The following CPNE3 variants were observed in gnomAD, a reference collection of about 807,000 sequenced individuals.
CPNE3 encodes copine-3.
Under a neutral mutation model 63.9 loss-of-function variants are expected in CPNE3, and 68 were observed. The observed-to-expected ratio is 1.06, with a 90% CI of 0.87 to 1.30. The LOEUF is 1.30. Among genes scored for constraint, CPNE3 ranks in the 50% most tolerant of loss-of-function variants. The pLI is 0.00. For synonymous variants in CPNE3, 219 were observed against 197.5 expected, an observed-to-expected ratio of 1.11 and a Z score of -0.91; for missense variants, 665 against 578.1, an observed-to-expected ratio of 1.15 and a Z score of -1.54.
chr8:86,546,340 C>T (rs1423200457), intron 9 of CPNE3, among the ~76,000 whole-genome samples: 3 of 151,926 alleles, frequency 2.0e-5, no homozygotes, highest in African/African-American at 7.3e-5. Flanking sequence ...AAATTACCTG[C>T]AGAGGTAAAA....
intron 8 of CPNE3, among the ~76,000 whole-genome samples, chr8:86,542,672 C>T (rs1315442410): frequency 6.6e-6 from 1 of 151,538 alleles, no homozygotes; most frequent in Non-Finnish European, 1.5e-5. Context: ...GTTTAAAAAG[C>T]CAATAATACT....
chr8:86,557,533 C>T (rs1430190762), intron 16 of CPNE3, among the ~76,000 whole-genome samples: 1 of 152,136 alleles, frequency 6.6e-6, no homozygotes, highest in Non-Finnish European at 1.5e-5. Flanking sequence ...ATGTTTAATT[C>T]TTAAAGCAGT....
At chr8:86,551,327 T>A in intron 14 of CPNE3, 93 bp downstream of exon 14, 1 of 881,616 alleles carries the variant, frequency 1.1e-6, no homozygotes, top group Non-Finnish European at 1.8e-6. Flanking sequence ...TTCTTGTGAT[T>A]AAAACTACTC....
chr8:86,544,229 A>G (rs1242574004), intron 8 of CPNE3, among the ~76,000 whole-genome samples: 1 of 152,164 alleles, frequency 6.6e-6, no homozygotes, highest in East Asian at 1.9e-4. Context: ...TCTAACTTAT[A>G]ATACAAGCCA....
At chr8:86,551,665 C>G (rs149026429) in intron 14 of CPNE3, among the ~76,000 whole-genome samples, 2 of 152,088 alleles carry the variant, frequency 1.3e-5, no homozygotes. Flanking sequence ...TCACTCTCTA[C>G]GAAGAGAAAA....
chr8:86,555,677 G>A (rs1336120431), intron 15 of CPNE3, among the ~76,000 whole-genome samples: 1 of 151,988 alleles, frequency 6.6e-6, no homozygotes, highest in Non-Finnish European at 1.5e-5. Flanking sequence ...TTTTTTGTGT[G>A]TATTTTAGCT....
chr8:86,551,664 A>T (rs1480866704), intron 14 of CPNE3, among the ~76,000 whole-genome samples: 2 of 152,238 alleles, frequency 1.3e-5, no homozygotes, highest in Non-Finnish European at 2.9e-5. Flanking sequence ...GTCACTCTCT[A>T]CGAAGAGAAA....
At chr8:86,523,156 A>G (rs1230514858) in intron 2 of CPNE3, among the ~76,000 whole-genome samples, 1 of 152,226 alleles carries the variant, frequency 6.6e-6, no homozygotes, top group African/African-American at 2.4e-5. Context: ...TGAGCATGCT[A>G]CAGACCTACA....
chr8:86,524,232 G>T (rs1002062500), intron 2 of CPNE3, among the ~76,000 whole-genome samples: 1 of 152,150 alleles, frequency 6.6e-6, no homozygotes, highest in African/African-American at 2.4e-5. Flanking sequence ...GTTTAAGGAG[G>T]AATGGGAAAA....
At chr8:86,546,743 G>C in intron 10 of CPNE3, 62 bp downstream of exon 10, 1 of 1,532,464 alleles carries the variant, frequency 6.5e-7, no homozygotes, top group Non-Finnish European at 8.8e-7. Flanking sequence ...CTGGAGCCTC[G>C]CTCTGTTGCC....
At chr8:86,527,631 A>ACTG (rs1486806867) in intron 2 of CPNE3, among the ~76,000 whole-genome samples, 1 of 152,152 alleles carries the variant, frequency 6.6e-6, no homozygotes, top group African/African-American at 2.4e-5. Context: ...AATCTCTTTA[A>ACTG]GTGGAACTCC....
At chr8:86,556,901 A>G (rs920069635) in intron 16 of CPNE3, among the ~76,000 whole-genome samples, 3 of 152,204 alleles carry the variant, frequency 2.0e-5, no homozygotes, top group African/African-American at 7.2e-5. Flanking sequence ...AATATCATAT[A>G]AATGGAATCG....
Position 86,547,755 on chromosome 8 carries a change from T to C in CPNE3, c.864T>C (p.Cys288=). Residue 288 remains cysteine, a synonymous_variant, in exon 11 of 17, where the codon TGT becomes TGC. Transcript: ENST00000517490. ...CTFLDYIMGG[C]QLNFTVGVDF... ...TCCTTGACTATATAATGGGAGGATG[T>C]CAGCTGAATTTTACTGTAAGTAACA... 1 of 1,360,392 alleles carries C rather than the reference T, an allele frequency of 7.4e-7. No homozygotes were observed. Among genetic ancestry groups the C allele is most frequent in the Non-Finnish European group, 1.0e-6 (1 of 952,846 alleles). The allele number at this position is 1,360,392 out of a possible 1,614,324, so 84.3% of individuals were successfully genotyped here. A position where few individuals can be genotyped will look rare whatever the true frequency, so the allele number is the denominator to read the frequency against.
chr8:86,538,601 A>G (rs1246277894), intron 7 of CPNE3, among the ~76,000 whole-genome samples: 3 of 152,140 alleles, frequency 2.0e-5, no homozygotes, highest in African/African-American at 7.2e-5. Context: ...TGACTATTAT[A>G]TTCCCAATAG....
intron 2 of CPNE3, among the ~76,000 whole-genome samples, chr8:86,520,123 T>TA (rs1265895368): frequency 7.2e-6 from 1 of 139,222 alleles, no homozygotes; most frequent in African/African-American, 2.5e-5. Context: ...CTATTCATTT[T>TA]AAAAAATCCT....
chr8:86,546,276 T>C lies in CPNE3; in HGVS notation c.733-319T>C, dbSNP rs1417965891. Among the ~76,000 whole-genome samples, 3 of 152,072 alleles carry C rather than the reference T, an allele frequency of 2.0e-5. No individual in the cohort carries two copies. In the East Asian group the frequency reaches 5.8e-4, roughly 29 times the overall value. On this transcript the variant is annotated intron_variant, in intron 9 of 16. Coordinates refer to ENST00000517490, the MANE Select transcript of CPNE3 (RefSeq NM_003909.5). Reference sequence around the variant, plus strand: ...TGTTATATCATAGGGCCCAACTCTATGGTAAAATATGCAGCAAAGAGAAAA... The same window carrying C: ...TGTTATATCATAGGGCCCAACTCTACGGTAAAATATGCAGCAAAGAGAAAA...
intron 6 of CPNE3, among the ~76,000 whole-genome samples, chr8:86,534,258 C>A (rs1367029102): frequency 2.0e-5 from 3 of 152,160 alleles, no homozygotes; most frequent in Non-Finnish European, 4.4e-5. Context: ...GTTGGCAAGA[C>A]AGTTTCATCA....
At chr8:86,519,398 C>G (rs1820382789) in intron 2 of CPNE3, among the ~76,000 whole-genome samples, 1 of 152,192 alleles carries the variant, frequency 6.6e-6, no homozygotes, top group African/African-American at 2.4e-5. Context: ...CTGCTTTCCT[C>G]CGTTCTGCAT....
chr8:86,546,566 A>T (rs1349137718), intron 9 of CPNE3, 29 bp from the exon 10 acceptor site: 2 of 1,599,288 alleles, frequency 1.3e-6, no homozygotes, highest in African/African-American at 2.7e-5. Context: ...GCTAATAAAA[A>T]GTAACATTTT....
Sources: gnomAD v4.1 joint callset for allele counts (sites outside exome capture counted in the v4.1 genomes callset) on GRCh38, gnomAD v4.1.1 for gene constraint, MANE v1.5 for transcripts, NCBI Gene and HGNC (gene_info 2026-07-23, HGNC 2026-07-21) for gene names.